MAF: variants seen among roughly 807,000 people sequenced by gnomAD.
MAF encodes transcription factor Maf.
Under a neutral mutation model 22.0 loss-of-function variants are expected in MAF, and 10 were observed. The ratio of observed to expected loss-of-function variants is 0.45; its 90% CI spans 0.28 to 0.77. The LOEUF is 0.77. Among genes scored for constraint, MAF ranks in the 30% least tolerant of loss-of-function variants. The pLI, the probability that MAF is intolerant of heterozygous loss-of-function variation, is 0.12. For missense variants in MAF, 544 were observed against 548.4 expected, an observed-to-expected ratio of 0.99 and a Z score of 0.08; for synonymous variants, 337 against 255.8, an observed-to-expected ratio of 1.32 and a Z score of -3.03.
chr16:79,205,099 G>A, the MAF span: 1 of 152,218 alleles, frequency 6.6e-6, no homozygotes, highest in African/African-American at 2.4e-5. Flanking sequence ...ACAGCTCACA[G>A]GTTCTCTCTG....
the MAF span, among the ~76,000 whole-genome samples, chr16:79,248,162 G>C: frequency 2.1e-5 from 3 of 144,406 alleles, no homozygotes; most frequent in East Asian, 3.9e-4. Context: ...AGATACACTG[G>C]AATTACTTTT....
the MAF span, chr16:79,202,677 T>TC: frequency 6.6e-6 from 1 of 152,154 alleles, no homozygotes; most frequent in African/African-American, 2.4e-5. Flanking sequence ...GAGAGTTTTT[T>TC]CCCCTCTGTT....
At chr16:79,299,447 G>C in the MAF span, among the ~76,000 whole-genome samples, 1 of 152,060 alleles carries the variant, frequency 6.6e-6, no homozygotes, top group Admixed American at 6.5e-5. Context: ...GATAACAAAA[G>C]GTCCTAAATG....
At chr16:79,480,477 C>T in the MAF span, among the ~76,000 whole-genome samples, 1 of 152,102 alleles carries the variant, frequency 6.6e-6, no homozygotes, top group African/African-American at 2.4e-5. Context: ...TCCTCTAAGC[C>T]ACAGCTCAGA....
At chr16:79,381,035 G>A in the MAF span, among the ~76,000 whole-genome samples, 1 of 152,222 alleles carries the variant, frequency 6.6e-6, no homozygotes, top group Admixed American at 6.5e-5. Flanking sequence ...TGCCCTGAAG[G>A]GCAGGCTGGC....
At chr16:79,479,999 G>C in the MAF span, among the ~76,000 whole-genome samples, 1 of 152,102 alleles carries the variant, frequency 6.6e-6, no homozygotes, top group African/African-American at 2.4e-5. Context: ...AAAGGATACC[G>C]GCAGCTCTAC....
chr16:79,386,436 G>C, the MAF span, among the ~76,000 whole-genome samples: 1 of 152,046 alleles, frequency 6.6e-6, no homozygotes, highest in African/African-American at 2.4e-5. Context: ...ATCTAATGCT[G>C]TGGCTGATCT....
At chr16:79,294,389 C>T in the MAF span, among the ~76,000 whole-genome samples, 10 of 152,270 alleles carry the variant, frequency 6.6e-5, no homozygotes, top group East Asian at 1.5e-3. Context: ...TAGTTCCTCT[C>T]CTTCAAGACA....
the MAF span, among the ~76,000 whole-genome samples, chr16:79,231,255 T>C: frequency 1.3e-5 from 2 of 152,086 alleles, no homozygotes; most frequent in African/African-American, 4.8e-5. Flanking sequence ...CTTGACTGTT[T>C]AAGAACCCGG....
At chr16:79,420,394 A>G in the MAF span, among the ~76,000 whole-genome samples, 1 of 152,292 alleles carries the variant, frequency 6.6e-6, no homozygotes, top group African/African-American at 2.4e-5. Context: ...GCATGTTGAC[A>G]CGCCCTTCCC....
chr16:79,549,789 C>G, the MAF span, among the ~76,000 whole-genome samples: 1 of 152,150 alleles, frequency 6.6e-6, no homozygotes, highest in East Asian at 1.9e-4. Flanking sequence ...AGTTAAAGAC[C>G]ATCACCCTAC....
At chr16:79,467,657 T>G in the MAF span, among the ~76,000 whole-genome samples, 2 of 152,050 alleles carry the variant, frequency 1.3e-5, no homozygotes, top group African/African-American at 2.4e-5. Context: ...AAATGCAGAT[T>G]CTCAGGGCCC....
chr16:79,222,733 T>C, the MAF span, among the ~76,000 whole-genome samples: 1 of 152,158 alleles, frequency 6.6e-6, no homozygotes, highest in Non-Finnish European at 1.5e-5. Flanking sequence ...TCCTAGTCTC[T>C]GATAAAACAG....
At chr16:79,522,469 C>G in the MAF span, among the ~76,000 whole-genome samples, 460 of 152,320 alleles carry the variant, frequency 3.0e-3, 1 homozygote, top group Non-Finnish European at 4.9e-3. Flanking sequence ...GAAGGAATAA[C>G]TATCAACTCA....
chr16:79,584,828 TA>T (rs1250560141), downstream of MAF, among the ~76,000 whole-genome samples: 1 of 152,170 alleles, frequency 6.6e-6, no homozygotes, highest in East Asian at 1.9e-4. Flanking sequence ...CACAATCCAG[TA>T]ATTTAAAGTA....
chr16:79,360,718 G>A, the MAF span, among the ~76,000 whole-genome samples: 13 of 152,180 alleles, frequency 8.5e-5, no homozygotes, highest in African/African-American at 3.1e-4. Context: ...CTCTGCAAGT[G>A]CTGTGGGCAT....
chr16:79,240,487 G>GGAAAAA, the MAF span, among the ~76,000 whole-genome samples: 1 of 60,694 alleles, frequency 1.6e-5, no homozygotes, highest in East Asian at 1.1e-3. Flanking sequence ...AGCATCTCTG[G>GGAAAAA]AAAAAAAAAA....
the MAF span, among the ~76,000 whole-genome samples, chr16:79,346,223 C>A: frequency 6.7e-6 from 1 of 150,072 alleles, no homozygotes; most frequent in Admixed American, 6.6e-5. Flanking sequence ...GTTCCCCACC[C>A]TGTGTCCAAG....
chr16:79,263,091 C>T, the MAF span, among the ~76,000 whole-genome samples: 1 of 152,186 alleles, frequency 6.6e-6, no homozygotes, highest in African/African-American at 2.4e-5. Context: ...CATCAACACT[C>T]TTTTACCAAG....
Sources: allele counts gnomAD v4.1 joint callset (sites outside exome capture counted in the v4.1 genomes callset), GRCh38; gene constraint gnomAD v4.1.1; transcripts MANE v1.5; gene names NCBI Gene and HGNC (gene_info 2026-07-23, HGNC 2026-07-21).